HHIPL2: variants seen among roughly 807,000 people sequenced by gnomAD.
HHIPL2 encodes the protein HHIP-like protein 2.
Under a neutral mutation model 61.0 loss-of-function variants are expected in HHIPL2, and 61 were observed. That is an observed-to-expected ratio of 1.00 (90% confidence interval 0.81 to 1.24). HHIPL2 has a LOEUF of 1.24. Ranked by LOEUF, HHIPL2 falls within the 50% of genes most tolerant of loss-of-function variation. The pLI is 0.00. For synonymous variants in HHIPL2, 343 were observed against 357.4 expected, an observed-to-expected ratio of 0.96 and a Z score of 0.45; for missense variants, 885 against 910.2, an observed-to-expected ratio of 0.97 and a Z score of 0.36.
At position 222,543,532 on chromosome 1, in the gene HHIPL2, C is replaced by G. The variant is rs528033996; in HGVS notation, c.974+5G>C. 9.9e-6 allele frequency: 16 copies of G among 1,608,044 alleles called. 1 individual carries two copies. In the South Asian group the frequency reaches 1.2e-4, roughly 12 times the overall value. ...CAGCTGTAGGCTCTCATGAGTACCT[C>G]TCACCTCTCTGATTTCAGGTCAGCT... On this transcript the variant is annotated splice_donor_5th_base_variant and intron_variant, in intron 2 of 8. Coordinates refer to ENST00000343410, the MANE Select transcript of HHIPL2 (RefSeq NM_024746.4).
chr1:222,527,163 C>T lies in HHIPL2; in HGVS notation c.1724-113G>A, dbSNP rs866358476. On this transcript the variant is annotated intron_variant, in intron 6 of 8. Transcript: ENST00000343410. The stretch of plus-strand genomic sequence containing the variant: ...GGTTATGGCCCTAAAATGCAGTGAG[C>T]GCCAAGAACGGAATCCCAGAAACCT... 2.1e-4 allele frequency: 158 copies of T among 755,714 alleles called. 2 individuals are homozygous for T. The South Asian group carries it at 2.1e-3, about 10-fold the overall frequency. The allele number at this position is 755,714 out of a possible 1,614,324, so 46.8% of individuals were successfully genotyped here.
chr1:222,541,843 A>G (rs1659438580), intron 3 of HHIPL2, among the ~76,000 whole-genome samples, 169 bp downstream of exon 3: 1 of 152,126 alleles, frequency 6.6e-6, no homozygotes. Flanking sequence ...CTACCAAAAT[A>G]TACTATGTCT....
At chr1:222,547,043 T>C (rs1309193896) in intron 1 of HHIPL2, among the ~76,000 whole-genome samples, 1 of 152,168 alleles carries the variant, frequency 6.6e-6, no homozygotes, top group Admixed American at 6.5e-5. Context: ...TCCTACAAAG[T>C]CTGTGTGTGC....
intron 5 of HHIPL2, among the ~76,000 whole-genome samples, chr1:222,536,535 G>A (rs1276256167): frequency 6.6e-6 from 1 of 152,064 alleles, no homozygotes. Context: ...AGGCCCAGAT[G>A]GTTTTTCTTG....
intron 5 of HHIPL2, among the ~76,000 whole-genome samples, chr1:222,535,730 A>G (rs1659287178): frequency 6.6e-6 from 1 of 152,134 alleles, no homozygotes; most frequent in South Asian, 2.1e-4. Context: ...TTCCTCTTCT[A>G]AACACACTTG....
In HHIPL2 at chr1:222,538,681, T is replaced by C. The variant is rs2102618199; in HGVS notation, c.1544A>G (p.Asn515Ser). The C allele has an allele frequency of 6.2e-7, 1 of 1,613,790 alleles. No individual in the cohort carries two copies. The highest frequency in any genetic ancestry group is 1.3e-5 in the African/African-American group (1 of 75,014). The part of the protein sequence containing the change: ...VYRGCESPNL[N>S]GLYIFGDFMS... Reference sequence around the variant, plus strand: ...GAAGTCTCCAAAGATATACAGGCCATTGAGATTTGGGGATTCACAACCACG... The same window carrying C: ...GAAGTCTCCAAAGATATACAGGCCACTGAGATTTGGGGATTCACAACCACG... The change falls in exon 5 of 9, where the codon AAT becomes AGT. Residue 515 changes from asparagine (N) to serine (S), a missense_variant. Coordinates refer to ENST00000343410, the MANE Select transcript of HHIPL2 (RefSeq NM_024746.4).
chr1:222,534,899 G>A (rs1659269248), intron 5 of HHIPL2, among the ~76,000 whole-genome samples: 2 of 151,984 alleles, frequency 1.3e-5, no homozygotes, highest in South Asian at 4.1e-4. Context: ...GGGGACAGAG[G>A]AAAACACATT....
At chr1:222,541,471 G>A (rs1659431597) in intron 3 of HHIPL2, among the ~76,000 whole-genome samples, 2 of 152,194 alleles carry the variant, frequency 1.3e-5, no homozygotes, top group African/African-American at 4.8e-5. Flanking sequence ...ATTATGGAAA[G>A]ACTCCCTTGT....
chr1:222,538,742 C>T lies in HHIPL2; in HGVS notation c.1483G>A (p.Ala495Thr). Residue 495 changes from alanine to threonine, a missense_variant, in exon 5 of 9, where the codon GCA becomes ACA. By Grantham distance (58) the Ala-to-Thr change is moderately conservative. Coordinates refer to ENST00000343410, the MANE Select transcript of HHIPL2 (RefSeq NM_024746.4). The part of the protein sequence containing the change: ...DVLPIYAYGH[A>T]VGKSVTGGYV... ...CCTCCAGTGACTGACTTCCCCACTG[C>T]ATGGCCATAAGCATAGATTGGCAGA... The T allele has an allele frequency of 6.2e-7, 1 of 1,614,108 alleles. No homozygotes were observed. Among genetic ancestry groups the T allele is most frequent in the Non-Finnish European group, 8.5e-7 (1 of 1,179,968 alleles).
intron 3 of HHIPL2, among the ~76,000 whole-genome samples, chr1:222,541,012 G>T (rs1659420678): frequency 6.6e-6 from 1 of 152,184 alleles, no homozygotes; most frequent in Non-Finnish European, 1.5e-5. Flanking sequence ...GAGGTGGGCG[G>T]ATAGCTTGAG....
At chr1:222,545,601 AG>A (rs370221249) in intron 1 of HHIPL2, among the ~76,000 whole-genome samples, 255 of 152,242 alleles carry the variant, frequency 1.7e-3, no homozygotes, top group African/African-American at 5.9e-3. Context: ...AGAGAATAGA[AG>A]GGGGCTGTGG....
At position 222,522,737 on chromosome 1, in the gene HHIPL2, C is replaced by T. The variant is rs777088140; in HGVS notation, c.2039G>A (p.Arg680Gln). The T allele has an allele frequency of 4.3e-6, 7 of 1,613,994 alleles. No homozygotes were observed. The highest frequency in any genetic ancestry group is 2.2e-5 in the East Asian group (1 of 44,876). The change falls in exon 9 of 9, where the codon CGA (arginine) becomes CAA (glutamine). Residue 680 changes from arginine to glutamine, a missense_variant. Arg to Gln is a conservative substitution (Grantham distance 43, BLOSUM62 1). Coordinates refer to ENST00000343410, the MANE Select transcript of HHIPL2 (RefSeq NM_024746.4). ...ASPTSSKNTL[R>Q]GPGTKKKARV... ...GGCTTTCTTCTTTGTACCAGGCCCT[C>T]GCAATGTATTCTTGCTGCTTGTAGG...
In HHIPL2 at chr1:222,522,851, T is replaced by G. The variant is rs776195064; in HGVS notation, c.1925A>C (p.Lys642Thr). 47 of 1,614,082 alleles carry G rather than the reference T, an allele frequency of 2.9e-5. No homozygotes were observed. The highest frequency in any genetic ancestry group is 3.8e-5 in the Non-Finnish European group (45 of 1,180,038). ...TGCACTGGAAGATTTTCTAGCAGCTTTCTCTGATTGTTCCTTTAGCAAGTC... is the reference window on the plus strand; with the variant it reads ...TGCACTGGAAGATTTTCTAGCAGCTGTCTCTGATTGTTCCTTTAGCAAGTC... ...VLDLLKEQSEKAARKSSSATL... is the reference protein window; with the variant it reads ...VLDLLKEQSETAARKSSSATL... Residue 642 changes from lysine to threonine, a missense_variant, in exon 9 of 9, where the codon AAA becomes ACA. Transcript: ENST00000343410.
intron 6 of HHIPL2, among the ~76,000 whole-genome samples, 160 bp from the exon 7 acceptor site, chr1:222,527,210 G>A (rs1659087923): frequency 6.6e-6 from 1 of 152,206 alleles, no homozygotes. Context: ...GCTCTGCTGG[G>A]CTGTGAGCTC....
chr1:222,535,602 G>A (rs1163669177), intron 5 of HHIPL2, among the ~76,000 whole-genome samples: 1 of 152,140 alleles, frequency 6.6e-6, no homozygotes, highest in African/African-American at 2.4e-5. Flanking sequence ...ACTCTTTCCA[G>A]CTTCTGAAGG....
At chr1:222,531,704 C>T (rs1272698271) in intron 6 of HHIPL2, among the ~76,000 whole-genome samples, 3 of 151,644 alleles carry the variant, frequency 2.0e-5, no homozygotes, top group East Asian at 1.9e-4. Flanking sequence ...GCCGAGATGG[C>T]GCCGCAGACA....
At chr1:222,526,472 G>A (rs954931444) in intron 7 of HHIPL2, among the ~76,000 whole-genome samples, 9 of 151,542 alleles carry the variant, frequency 5.9e-5, no homozygotes, top group Non-Finnish European at 1.0e-4. Flanking sequence ...TTGGGAGACC[G>A]AGGCAGGTGA....
chr1:222,544,312 T>A (rs1358363893), intron 1 of HHIPL2, 123 bp from the exon 2 acceptor site: 2 of 1,064,880 alleles, frequency 1.9e-6, no homozygotes, highest in Non-Finnish European at 2.7e-6. Flanking sequence ...TTTGGAGTTT[T>A]TGTTACCAAC....
chr1:222,537,631 CAA>C (rs755361476), intron 5 of HHIPL2, among the ~76,000 whole-genome samples: 12 of 80,578 alleles, frequency 1.5e-4, no homozygotes, highest in Admixed American at 2.8e-4. Context: ...GACTCCATCT[CAA>C]AAAAAAAAAA....
Sources: allele counts gnomAD v4.1 joint callset (sites outside exome capture counted in the v4.1 genomes callset), GRCh38; gene constraint gnomAD v4.1.1; transcripts MANE v1.5; gene names NCBI Gene and HGNC (gene_info 2026-07-23, HGNC 2026-07-21).